The following SPICE1 variants were observed in gnomAD, a reference collection of about 807,000 sequenced individuals.
The protein encoded by SPICE1 is spindle and centriole associated protein 1.
In SPICE1, 75 loss-of-function variants were observed where a neutral mutation model predicts 102.7. The ratio of observed to expected loss-of-function variants is 0.73; its 90% confidence interval spans 0.61 to 0.88. The LOEUF (loss-of-function observed/expected upper bound fraction) is 0.88. Ranked by LOEUF, SPICE1 falls within the 40% of genes least tolerant of loss-of-function variation. SPICE1 has a pLI of 0.00. For synonymous variants in SPICE1, 308 were observed against 350.3 expected (o/e 0.88, Z 1.35); for missense variants, 979 against 1,020.1 (o/e 0.96, Z 0.55).
Position 113,502,022 on chromosome 3 carries a change from C to G in SPICE1, c.147+1158G>C, listed in dbSNP as rs138166187. ...AATGCAATGTCCACCAACTGAACAA[C>G]AGATAAATAAAATGGTAGATCCATA... On this transcript the variant is annotated intron_variant, in intron 3 of 17. Coordinates refer to ENST00000295872, the MANE Select transcript of SPICE1 (RefSeq NM_144718.4). Among the ~76,000 whole-genome samples, 864 of 152,242 alleles carry G rather than the reference C, an allele frequency of 5.7e-3. 9 individuals carry two copies. Among genetic ancestry groups the G allele is most frequent in the African/African-American group, 0.019 (779 of 41,548 alleles).
chr3:113,467,617 C>A (rs1437371429), intron 10 of SPICE1, among the ~76,000 whole-genome samples: 3 of 152,140 alleles, frequency 2.0e-5, no homozygotes, highest in African/African-American at 7.2e-5. Context: ...AGAATTCTTG[C>A]TTATTTTATA....
intron 7 of SPICE1, among the ~76,000 whole-genome samples, chr3:113,482,707 G>A (rs561483542): frequency 3.3e-5 from 5 of 152,280 alleles, no homozygotes; most frequent in Admixed American, 1.3e-4. Flanking sequence ...TCAAAGGTCA[G>A]ATGGTTGTAG....
intron 7 of SPICE1, among the ~76,000 whole-genome samples, chr3:113,484,257 T>C (rs147429565): frequency 0.031 from 4,793 of 152,264 alleles, 244 homozygotes; most frequent in African/African-American, 0.11. Context: ...ATTGTGTCTA[T>C]TTGATTCTTC....
At chr3:113,480,430 T>C (rs1356908205) in intron 7 of SPICE1, among the ~76,000 whole-genome samples, 1 of 152,132 alleles carries the variant, frequency 6.6e-6, no homozygotes, top group African/African-American at 2.4e-5. Context: ...GAGAATATCA[T>C]TTATGAATTT....
intron 1 of SPICE1, 26 bp from the exon 2 acceptor site, chr3:113,506,631 T>C (rs1371717188): frequency 4.4e-6 from 7 of 1,584,542 alleles, no homozygotes; most frequent in Non-Finnish European, 6.0e-6. Context: ...ACATCAAATT[T>C]TTAAAATACA....
chr3:113,511,967 T>C (rs1937230473), intron 1 of SPICE1, among the ~76,000 whole-genome samples: 1 of 152,192 alleles, frequency 6.6e-6, no homozygotes, highest in South Asian at 2.1e-4. Context: ...TGCTTTTATA[T>C]TTCCCAAATT....
intron 7 of SPICE1, among the ~76,000 whole-genome samples, chr3:113,483,929 T>A (rs1408842626): frequency 6.6e-6 from 1 of 152,218 alleles, no homozygotes; most frequent in Admixed American, 6.5e-5. Flanking sequence ...TTTCTATTGT[T>A]TGGAATAGTT....
chr3:113,463,192 C>T (rs1311915076), intron 11 of SPICE1, among the ~76,000 whole-genome samples: 1 of 152,212 alleles, frequency 6.6e-6, no homozygotes, highest in Non-Finnish European at 1.5e-5. Flanking sequence ...CTATGCATTT[C>T]CTGTGCCTTT....
At chr3:113,454,573 A>G (rs1935737567) in intron 13 of SPICE1, among the ~76,000 whole-genome samples, 1 of 152,130 alleles carries the variant, frequency 6.6e-6, no homozygotes. Context: ...AAAACTAGCC[A>G]GCCATGATGG....
chr3:113,494,336 T>A lies in SPICE1; in HGVS notation c.292-194A>T, dbSNP rs140580918. 5.8e-3 allele frequency among the ~76,000 whole-genome samples: 881 copies of A among 152,300 alleles called. 9 individuals are homozygous for A. Among genetic ancestry groups the A allele is most frequent in the African/African-American group, 0.02 (827 of 41,552 alleles). ...AATTAGTGGCTTTCCAATACCTGAC[T>A]GAAATCCAAAGTAAGAAATATTCAC... On this transcript the variant is annotated intron_variant, in intron 4 of 17. Transcript: ENST00000295872.
chr3:113,497,696 G>A (rs976703566), intron 4 of SPICE1, among the ~76,000 whole-genome samples: 2 of 134,156 alleles, frequency 1.5e-5, no homozygotes, highest in Admixed American at 1.5e-4. Flanking sequence ...GAGAGAGAGA[G>A]AGAAAGAGAG....
intron 11 of SPICE1, among the ~76,000 whole-genome samples, chr3:113,463,041 G>C (rs1031700899): frequency 6.6e-6 from 1 of 151,906 alleles, no homozygotes; most frequent in South Asian, 2.1e-4. Context: ...CAAGACCTTC[G>C]CACTTGCTTT....
rs1401335426 is a variant in SPICE1, at chr3:113,460,737, T to A, written c.1315A>T (p.Thr439Ser). 3 of 1,612,206 alleles carry A rather than the reference T, an allele frequency of 1.9e-6. No individual in the cohort carries two copies. Among genetic ancestry groups the A allele is most frequent in the Non-Finnish European group, 2.5e-6 (3 of 1,179,400 alleles). ...GTGAGTGATATCAGTTGCTCATCTG[T>A]TGTGACCATGTACTGCTGAAGTCTT... ...QARLQQYMVT[T>S]DEQLISLTHA... The change falls in exon 12 of 18, where the codon ACA becomes TCA. Residue 439 changes from threonine to serine, a missense_variant. Physicochemically the swap from Thr to Ser is moderately conservative, Grantham distance 58. Coordinates refer to ENST00000295872, the MANE Select transcript of SPICE1 (RefSeq NM_144718.4).
rs1231112067 is a variant in SPICE1 at position 113,443,873 on chromosome 3, G to GTT, written c.*1432_*1433dup. 13 of 152,190 alleles carry GTT rather than the reference G, an allele frequency of 8.5e-5. No individual in the cohort carries two copies. The highest frequency in any genetic ancestry group is 3.1e-4 in the African/African-American group (13 of 41,450). 9.4% of individuals were successfully genotyped at this position (152,190 alleles called of 1,614,324 possible). A position where few individuals can be genotyped will look rare whatever the true frequency, so the allele number is the denominator to read the frequency against. ...AATATTGCCTAGTATGTAGTTAACA[G>GTT]TTAATTATTAAATTCTGCTAACCAA... On this transcript the variant is annotated 3_prime_UTR_variant, in exon 18 of 18. Transcript: ENST00000295872.
chr3:113,483,463 A>G lies in SPICE1; in HGVS notation c.611+5482T>C, dbSNP rs534403588. Among the ~76,000 whole-genome samples the G allele has an allele frequency of 5.9e-5, 9 of 151,736 alleles. No individual in the cohort carries two copies. The South Asian group carries it at 1.9e-3, about 32-fold the overall frequency. On this transcript the variant is annotated intron_variant, in intron 7 of 17. Transcript: ENST00000295872. ...CTATGTTGAATAGGAGTTGTGAGAG[A>G]GGGCATCCTTGCCTTTTGCCTTGCC... is the stretch of plus-strand genomic sequence containing the variant.
In SPICE1 at chr3:113,453,772, ATCT is replaced by A. The variant is rs1935715689; in HGVS notation, c.1833_1835del (p.Glu611del). ...AAGGAGCCTGAGTTTTGTTCTCCAAATCTTCTCCCATGTGAGAGACTCTCCATC... is the reference window on the plus strand; with the variant it reads ...AAGGAGCCTGAGTTTTGTTCTCCAAATCTCCCATGTGAGAGACTCTCCATC... On this transcript the variant is annotated inframe_deletion, in exon 14 of 18. Coordinates refer to ENST00000295872, the MANE Select transcript of SPICE1 (RefSeq NM_144718.4). 6.2e-7 allele frequency: 1 copy of A among 1,614,080 alleles called. No individual in the cohort carries two copies. Among genetic ancestry groups the A allele is most frequent in the Non-Finnish European group, 8.5e-7 (1 of 1,180,012 alleles).
At chr3:113,458,876 T>A (rs1447374270) in intron 12 of SPICE1, among the ~76,000 whole-genome samples, 1 of 151,468 alleles carries the variant, frequency 6.6e-6, no homozygotes. Flanking sequence ...GTCTGGGAAG[T>A]GAGGAGCCCC....
intron 7 of SPICE1, among the ~76,000 whole-genome samples, chr3:113,480,912 T>TAAAGAAAGAAAG (rs1553768641): frequency 0.57 from 60,936 of 106,362 alleles, 15,101 homozygotes; most frequent in Admixed American, 0.68. Context: ...TTTAAAAATT[T>TAAAGAAAGAAAG]AAAGAAAGAA....
At chr3:113,486,064 T>C (rs918216563) in intron 7 of SPICE1, among the ~76,000 whole-genome samples, 5 of 151,706 alleles carry the variant, frequency 3.3e-5, no homozygotes, top group African/African-American at 1.2e-4. Flanking sequence ...TGAGCCAAGA[T>C]GGCGACACTG....
Sources: gnomAD v4.1 joint callset for allele counts (sites outside exome capture counted in the v4.1 genomes callset) on GRCh38, gnomAD v4.1.1 for gene constraint, MANE v1.5 for transcripts, NCBI Gene and HGNC (gene_info 2026-07-23, HGNC 2026-07-21) for gene names.